Variants in SDK1 observed in about 807,000 individuals in gnomAD.
SDK1 encodes sidekick cell adhesion molecule 1.
Under a neutral mutation model 245.5 loss-of-function variants are expected in SDK1, and 157 were observed. The observed-to-expected ratio is 0.64, with a 90% CI of 0.56 to 0.73. The LOEUF (loss-of-function observed/expected upper bound fraction) is 0.73, where lower values mean the gene tolerates loss of function less well. SDK1 is among the 30% of genes least tolerant of loss of function. The probability of loss-of-function intolerance (pLI) is 0.00; values close to 1 mark genes in which losing one functional copy is unlikely to be tolerated. For synonymous variants in SDK1, 1,647 were observed against 1,278.5 expected, an observed-to-expected ratio of 1.29 and a Z score of -6.15; for missense variants, 3,583 against 3,002.3, an observed-to-expected ratio of 1.19 and a Z score of -4.52.
At chr7:3,583,131 A>C (rs1028694992) in intron 1 of SDK1, among the ~76,000 whole-genome samples, 9 of 152,200 alleles carry the variant, frequency 5.9e-5, no homozygotes, top group East Asian at 1.9e-4. Flanking sequence ...AACACTCTGC[A>C]GGCCTCCAGC....
In SDK1 at chr7:4,139,659, GTA is replaced by G. The variant is rs1235605611; in HGVS notation, c.4229-6059_4229-6058del. Among the ~76,000 whole-genome samples the G allele has an allele frequency of 4.1e-3, 386 of 93,234 alleles. 38 individuals carry two copies. Among genetic ancestry groups the G allele is most frequent in the African/African-American group, 7.4e-3 (152 of 20,474 alleles). 61.2% of individuals were successfully genotyped at this position (93,234 alleles called of 152,430 possible). A position where few individuals can be genotyped will look rare whatever the true frequency, so the allele number is the denominator to read the frequency against. ...TATATGTGTGTGTATATGTGTGTGT[GTA>G]TATGTGTGTGTGTATATGTGTGTGT... On this transcript the variant is annotated intron_variant, in intron 28 of 44. Transcript: ENST00000404826.
intron 4 of SDK1, among the ~76,000 whole-genome samples, chr7:3,735,438 G>A (rs1779292673): frequency 6.6e-6 from 1 of 152,146 alleles, no homozygotes; most frequent in Admixed American, 6.5e-5. Flanking sequence ...TTGTGTGACA[G>A]ACTTATTTCA....
chr7:3,904,585 C>T (rs1360205389), intron 5 of SDK1, among the ~76,000 whole-genome samples: 1 of 152,120 alleles, frequency 6.6e-6, no homozygotes, highest in Non-Finnish European at 1.5e-5. Flanking sequence ...GTCACAGCTA[C>T]TCAGAAGGCT....
In SDK1 at chr7:4,132,964, G is replaced by C. The variant is rs77999764; in HGVS notation, c.4228+541G>C. ...TTTTAACGTGGAATTTCTTCCATTC[G>C]TTTGCGGCTCATGGCGATACCGTTT... On this transcript the variant is annotated intron_variant, in intron 28 of 44. Coordinates refer to ENST00000404826, the MANE Select transcript of SDK1 (RefSeq NM_152744.4). Among the ~76,000 whole-genome samples the C allele has an allele frequency of 6.5e-3, 987 of 152,234 alleles. 14 individuals carry two copies. Among genetic ancestry groups the C allele is most frequent in the African/African-American group, 0.022 (894 of 41,534 alleles).
chr7:3,687,638 C>T (rs552577240), intron 4 of SDK1, among the ~76,000 whole-genome samples: 13 of 152,240 alleles, frequency 8.5e-5, no homozygotes, highest in South Asian at 4.2e-4. Context: ...GCATATGGTA[C>T]GGCTCCATTT....
chr7:3,305,186 T>C (rs1779385517), intron 1 of SDK1, among the ~76,000 whole-genome samples: 1 of 152,240 alleles, frequency 6.6e-6, no homozygotes, highest in South Asian at 2.1e-4. Context: ...GTTGAGCCCC[T>C]GCTTTGTGCT....
At chr7:3,950,679 G>A (rs1008730693) in intron 5 of SDK1, among the ~76,000 whole-genome samples, 3 of 152,204 alleles carry the variant, frequency 2.0e-5, no homozygotes, top group East Asian at 1.9e-4. Context: ...AAGTCAAAAC[G>A]CGCTTTTGTA....
chr7:4,254,135 A>C (rs1324896515), intron 44 of SDK1, among the ~76,000 whole-genome samples: 2 of 152,084 alleles, frequency 1.3e-5, no homozygotes, highest in Admixed American at 6.6e-5. Context: ...CGGTAGATTA[A>C]TGATTTTTAT....
At chr7:3,428,239 C>G (rs1779731367) in intron 1 of SDK1, among the ~76,000 whole-genome samples, 1 of 152,106 alleles carries the variant, frequency 6.6e-6, no homozygotes, top group Non-Finnish European at 1.5e-5. Context: ...CACTGAATAG[C>G]TAGTGGTGAA....
chr7:4,198,476 C>G (rs551416007), intron 35 of SDK1, among the ~76,000 whole-genome samples: 1 of 152,206 alleles, frequency 6.6e-6, no homozygotes, highest in African/African-American at 2.4e-5. Flanking sequence ...TCCTCTGCCT[C>G]GGAGCAGGAT....
At position 4,127,367 on chromosome 7, in the gene SDK1, T is replaced by C. The variant is rs751297002; in HGVS notation, c.3824-14T>C. 19 of 1,602,806 alleles carry C rather than the reference T, an allele frequency of 1.2e-5. No homozygotes were observed. Among genetic ancestry groups the C allele is most frequent in the Admixed American group, 6.7e-5 (4 of 59,994 alleles). On this transcript the variant is annotated splice_polypyrimidine_tract_variant and intron_variant, in intron 25 of 44. Coordinates refer to ENST00000404826, the MANE Select transcript of SDK1 (RefSeq NM_152744.4). ...AGATTTTGGATGCTAATCTACTTCA[T>C]TGGTTCTTTGCAGTTCCTTCAGCCG...
At chr7:4,095,416 G>GA (rs1782085697) in intron 22 of SDK1, among the ~76,000 whole-genome samples, 1 of 152,170 alleles carries the variant, frequency 6.6e-6, no homozygotes, top group Non-Finnish European at 1.5e-5. Context: ...CCGGGTTTCT[G>GA]AAAAACAACT....
At chr7:3,525,275 A>T (rs182021938) in intron 1 of SDK1, among the ~76,000 whole-genome samples, 1 of 152,026 alleles carries the variant, frequency 6.6e-6, no homozygotes, top group Admixed American at 6.5e-5. Context: ...TCTCTCCATG[A>T]ATTTAAGTCA....
At position 3,959,027 on chromosome 7, in the gene SDK1, T is replaced by A; in HGVS notation, c.1234+13T>A. ...TGTCAAGCCATGGGTGAGTGCAGAGTGGCTGCTGGACAAGGAGCCATGACT... is the reference window on the plus strand; with the variant it reads ...TGTCAAGCCATGGGTGAGTGCAGAGAGGCTGCTGGACAAGGAGCCATGACT... On this transcript the variant is annotated intron_variant, in intron 8 of 44. Transcript: ENST00000404826. The A allele has an allele frequency of 6.2e-7, 1 of 1,600,962 alleles. No homozygotes were observed. Among genetic ancestry groups the A allele is most frequent in the Non-Finnish European group, 8.6e-7 (1 of 1,168,492 alleles).
Position 3,330,446 on chromosome 7 carries a change from G to C in SDK1, c.298+28562G>C, listed in dbSNP as rs529578670. Among the ~76,000 whole-genome samples the C allele has an allele frequency of 3.6e-4, 55 of 152,264 alleles. 1 individual carries two copies. In the South Asian group the frequency reaches 0.01, roughly 29 times the overall value. The stretch of plus-strand genomic sequence containing the variant: ...GTTGATTGGAGGTGGGCCTGTGGGA[G>C]GTAATTAGGATTAGATAAAGGTCAT... On this transcript the variant is annotated intron_variant, in intron 1 of 44. Coordinates refer to ENST00000404826, the MANE Select transcript of SDK1 (RefSeq NM_152744.4).
rs148919634 is a variant in SDK1 at position 3,962,737 on chromosome 7, G to A, written c.1315G>A (p.Ala439Thr). Residue 439 changes from alanine to threonine, a missense_variant, in exon 9 of 45, where the codon GCC becomes ACC. Transcript: ENST00000404826. ...RLQNPRYKVL[A>T]SGGLRIQKLR... ...CCAGAATCCTCGATACAAAGTGCTC[G>A]CCAGCGGAGGCCTGCGCATCCAGAA... 92 of 1,613,648 alleles carry A rather than the reference G, an allele frequency of 5.7e-5. No individual in the cohort carries two copies. In the Admixed American group the frequency reaches 6.3e-4, roughly 11 times the overall value.
At chr7:3,402,893 T>A (rs1409917592) in intron 1 of SDK1, among the ~76,000 whole-genome samples, 6 of 152,202 alleles carry the variant, frequency 3.9e-5, no homozygotes, top group African/African-American at 1.4e-4. Flanking sequence ...GATTTAATTA[T>A]GCAAACTTTG....
chr7:4,239,680 T>C (rs1786401960), intron 42 of SDK1, among the ~76,000 whole-genome samples: 1 of 152,218 alleles, frequency 6.6e-6, no homozygotes, highest in Non-Finnish European at 1.5e-5. Context: ...TGGCCTGTTT[T>C]GATCCTACGG....
chr7:3,992,799 G>A (rs1160777051), intron 14 of SDK1, among the ~76,000 whole-genome samples: 1 of 152,104 alleles, frequency 6.6e-6, no homozygotes, highest in Non-Finnish European at 1.5e-5. Context: ...TCGTCTTTGG[G>A]CTACTTATCT....
Sources: gnomAD v4.1 joint callset for allele counts (sites outside exome capture counted in the v4.1 genomes callset) on GRCh38, gnomAD v4.1.1 for gene constraint, MANE v1.5 for transcripts, NCBI Gene and HGNC (gene_info 2026-07-23, HGNC 2026-07-21) for gene names.